The following CDH23 variants were observed in gnomAD, a reference collection of about 807,000 sequenced individuals.
The protein encoded by CDH23 is cadherin-23.
CDH23 carries 189 observed loss-of-function variants against 317.1 expected under a neutral mutation model. That is an observed-to-expected ratio of 0.60 (90% CI 0.53 to 0.67). The LOEUF is 0.67. CDH23 is among the 30% of genes least tolerant of loss of function. The pLI is 0.00. For synonymous variants in CDH23, 1,839 were observed against 1,876.8 expected, an observed-to-expected ratio of 0.98 and a Z score of 0.52; for missense variants, 4,401 against 4,592.4, an observed-to-expected ratio of 0.96 and a Z score of 1.20.
chr10:71,473,961 G>A (rs867098912), intron 3 of CDH23, among the ~76,000 whole-genome samples: 1 of 152,244 alleles, frequency 6.6e-6, no homozygotes. Flanking sequence ...TGGCGCCGAC[G>A]TCTTTATCAA....
intron 41 of CDH23, 105 bp from the exon 42 acceptor site, chr10:71,784,182 C>G (rs549996639): frequency 7.7e-7 from 1 of 1,299,122 alleles, no homozygotes; most frequent in Non-Finnish European, 1.1e-6. Flanking sequence ...AGCTGTCCCC[C>G]ACCTGTGACG....
At chr10:71,443,137 G>A (rs1368109628) in intron 2 of CDH23, among the ~76,000 whole-genome samples, 1 of 152,188 alleles carries the variant, frequency 6.6e-6, no homozygotes, top group African/African-American at 2.4e-5. Flanking sequence ...CAGAGCCACT[G>A]CACCTTCAGC....
chr10:71,421,508 C>T (rs1482278752), intron 1 of CDH23, among the ~76,000 whole-genome samples: 1 of 151,910 alleles, frequency 6.6e-6, no homozygotes, highest in African/African-American at 2.4e-5. Flanking sequence ...CTATTGCAGA[C>T]AGCCCTTCAT....
chr10:71,665,664 C>T (rs1377335950), intron 14 of CDH23, among the ~76,000 whole-genome samples: 1 of 152,170 alleles, frequency 6.6e-6, no homozygotes, highest in Non-Finnish European at 1.5e-5. Flanking sequence ...GGCACAAGGA[C>T]AGCCAGGAGC....
chr10:71,474,838 C>G (rs1589116638), intron 3 of CDH23, among the ~76,000 whole-genome samples: 1 of 152,234 alleles, frequency 6.6e-6, no homozygotes. Flanking sequence ...AGGCCGAGCC[C>G]CCAGCGCATG....
intron 20 of CDH23, among the ~76,000 whole-genome samples, chr10:71,693,875 A>G (rs144512291): frequency 6.8e-4 from 104 of 152,204 alleles, no homozygotes; most frequent in African/African-American, 2.4e-3. Context: ...CCCGAGAATC[A>G]GCCTAGATTT....
chr10:71,713,571 G>A, intron 28 of CDH23: 3 of 445,112 alleles, frequency 6.7e-6, no homozygotes, highest in Non-Finnish European at 1.2e-5. Flanking sequence ...GGGGAGCAGG[G>A]AGCTGACTCC....
Position 71,570,773 on chromosome 10 carries a change from T to A in CDH23, c.625-17T>A. 1 of 1,594,736 alleles carries A rather than the reference T, an allele frequency of 6.3e-7. No individual in the cohort carries two copies. The highest frequency in any genetic ancestry group is 1.1e-5 in the South Asian group (1 of 87,942). ...CATCACTCAACCTAAGGCTGTGTGTTCTCTCCGCTCTCTAAGGATCAAGAC... is the reference window on the plus strand; with the variant it reads ...CATCACTCAACCTAAGGCTGTGTGTACTCTCCGCTCTCTAAGGATCAAGAC... On this transcript the variant is annotated splice_polypyrimidine_tract_variant and intron_variant, in intron 7 of 69. Coordinates refer to ENST00000224721, the MANE Select transcript of CDH23 (RefSeq NM_022124.6).
intron 19 of CDH23, 39 bp downstream of exon 19, chr10:71,687,758 T>G (rs887854292): frequency 1.3e-6 from 2 of 1,586,978 alleles, no homozygotes; most frequent in Non-Finnish European, 1.7e-6. Context: ...CACATGGAGG[T>G]AGGCAGCCAG....
chr10:71,633,608 T>G (rs1300608101), intron 11 of CDH23, among the ~76,000 whole-genome samples: 3 of 152,186 alleles, frequency 2.0e-5, no homozygotes, highest in African/African-American at 7.2e-5. Flanking sequence ...CTTTGTTCAC[T>G]GGGAAGAGGA....
At chr10:71,562,876 G>T (rs1049340208) in intron 6 of CDH23, among the ~76,000 whole-genome samples, 1 of 152,120 alleles carries the variant, frequency 6.6e-6, no homozygotes, top group Non-Finnish European at 1.5e-5. Context: ...GTGGCTCTCG[G>T]CCTGTCATGG....
chr10:71,603,927 C>T (rs1017454974), intron 9 of CDH23, among the ~76,000 whole-genome samples: 1 of 152,184 alleles, frequency 6.6e-6, no homozygotes, highest in African/African-American at 2.4e-5. Context: ...ACATGTGAAG[C>T]GCTTGGTCAA....
intron 16 of CDH23, among the ~76,000 whole-genome samples, chr10:71,677,983 CCTT>C (rs1211760346): frequency 1.3e-5 from 2 of 152,152 alleles, no homozygotes; most frequent in East Asian, 3.9e-4. Flanking sequence ...GAGGGGCTGA[CCTT>C]CTATCCGCAA....
chr10:71,537,994 G>T (rs768173009), intron 6 of CDH23, among the ~76,000 whole-genome samples: 4 of 152,126 alleles, frequency 2.6e-5, no homozygotes, highest in South Asian at 2.1e-4. Context: ...TAAAGCTGTC[G>T]GTTTCCCTCT....
chr10:71,543,835 A>G (rs1382521052), intron 6 of CDH23, among the ~76,000 whole-genome samples: 1 of 152,238 alleles, frequency 6.6e-6, no homozygotes, highest in Non-Finnish European at 1.5e-5. Flanking sequence ...GTTGCTTCAC[A>G]GTGACTTGGT....
At chr10:71,456,312 G>A (rs1056832291) in intron 3 of CDH23, among the ~76,000 whole-genome samples, 3 of 151,744 alleles carry the variant, frequency 2.0e-5, no homozygotes, top group African/African-American at 7.3e-5. Flanking sequence ...TAGGAGTTGG[G>A]GGATGACTGA....
rs921112643 is a variant in CDH23 at position 71,806,616 on chromosome 10, G to A, written c.8178+335G>A. On this transcript the variant is annotated intron_variant, in intron 57 of 69. Transcript: ENST00000224721. Reference sequence around the variant, plus strand: ...TTTTTTTGAGACAGAGTCTCGCTCCGTTGCCGAGGCTGGAGTGCAGTGGCA... The same window carrying A: ...TTTTTTTGAGACAGAGTCTCGCTCCATTGCCGAGGCTGGAGTGCAGTGGCA... 2.1e-5 allele frequency among the ~76,000 whole-genome samples: 3 copies of A among 144,988 alleles called. No individual in the cohort carries two copies. In the Admixed American group the frequency reaches 2.1e-4, roughly 10 times the overall value.
intron 3 of CDH23, among the ~76,000 whole-genome samples, chr10:71,450,654 C>G (rs1430827481): frequency 6.6e-6 from 1 of 152,154 alleles, no homozygotes; most frequent in African/African-American, 2.4e-5. Context: ...CATTTCTTCC[C>G]AGACCTTGTG....
chr10:71,581,151 G>T lies in CDH23; in HGVS notation c.832+3159G>T, dbSNP rs1858600502. Reference sequence around the variant, plus strand: ...TTATTGGAAAGCAGGCAGAAGGGATGGTTCATGTCACCCTGAGGGCATCTT... The same window carrying T: ...TTATTGGAAAGCAGGCAGAAGGGATTGTTCATGTCACCCTGAGGGCATCTT... On this transcript the variant is annotated intron_variant, in intron 9 of 69. Coordinates refer to ENST00000224721, the MANE Select transcript of CDH23 (RefSeq NM_022124.6). 2.0e-5 allele frequency among the ~76,000 whole-genome samples: 3 copies of T among 152,390 alleles called. No homozygotes were observed. The South Asian group carries it at 6.2e-4, about 32-fold the overall frequency.
Sources: allele counts gnomAD v4.1 joint callset (sites outside exome capture counted in the v4.1 genomes callset), GRCh38; gene constraint gnomAD v4.1.1; transcripts MANE v1.5; gene names NCBI Gene and HGNC (gene_info 2026-07-23, HGNC 2026-07-21).